The following LSAMP variants were observed in gnomAD, a reference collection of about 807,000 sequenced individuals.
The protein encoded by LSAMP is limbic system associated membrane protein.
In LSAMP, 7 loss-of-function variants were observed where a neutral mutation model predicts 38.6. The ratio of observed to expected loss-of-function variants is 0.18; its 90% CI spans 0.10 to 0.34. The LOEUF is 0.34. Ranked by LOEUF, LSAMP falls within the 10% of genes least tolerant of loss-of-function variation. LSAMP has a pLI of 1.00. For missense variants in LSAMP, 313 were observed against 420.0 expected (o/e 0.75, Z 2.23); for synonymous variants, 154 against 166.8 (o/e 0.92, Z 0.59).
At chr3:116,327,411 T>A (rs79342626) in intron 1 of LSAMP, among the ~76,000 whole-genome samples, 13,154 of 151,894 alleles carry the variant, frequency 0.087, 667 homozygotes, top group Middle Eastern at 0.15. Context: ...TCTTCTTACT[T>A]TTTTTTTAAA....
chr3:116,321,416 T>A (rs2047704251), intron 1 of LSAMP, among the ~76,000 whole-genome samples: 1 of 152,092 alleles, frequency 6.6e-6, no homozygotes, highest in South Asian at 2.1e-4. Flanking sequence ...AGAATAGTCA[T>A]GAGAATAGTT....
chr3:116,410,502 T>TTA (rs1553732778), intron 1 of LSAMP, among the ~76,000 whole-genome samples: 30 of 151,940 alleles, frequency 2.0e-4, no homozygotes, highest in African/African-American at 4.8e-4. Context: ...ATTTTTTTTT[T>TTA]AAACTGGGAA....
intron 3 of LSAMP, among the ~76,000 whole-genome samples, chr3:115,905,698 C>G (rs909923025): frequency 2.6e-5 from 4 of 152,110 alleles, no homozygotes; most frequent in Admixed American, 2.0e-4. Flanking sequence ...CACAGCCTTA[C>G]ATAAAGAAGT....
At chr3:116,203,383 C>A (rs1384934411) in intron 1 of LSAMP, among the ~76,000 whole-genome samples, 1 of 51,766 alleles carries the variant, frequency 1.9e-5, no homozygotes, top group Non-Finnish European at 5.7e-5. Flanking sequence ...TCTCAAATTT[C>A]TTTTTATTTA....
chr3:116,141,954 CA>C, intron 1 of LSAMP, among the ~76,000 whole-genome samples: 1 of 152,074 alleles, frequency 6.6e-6, no homozygotes, highest in East Asian at 1.9e-4. Context: ...ACATTAGCAG[CA>C]GCTGATGAGT....
intron 3 of LSAMP, among the ~76,000 whole-genome samples, chr3:115,899,295 A>G (rs1936809985): frequency 6.6e-6 from 1 of 152,084 alleles, no homozygotes; most frequent in Non-Finnish European, 1.5e-5. Context: ...CCTTATTTGC[A>G]TCAGATTTTC....
chr3:116,191,995 T>A (rs919810921), intron 1 of LSAMP, among the ~76,000 whole-genome samples: 1 of 151,242 alleles, frequency 6.6e-6, no homozygotes, highest in Non-Finnish European at 1.5e-5. Context: ...AACACAAATA[T>A]CTGTCTGAAT....
chr3:116,155,234 T>G (rs1003221537), intron 1 of LSAMP, among the ~76,000 whole-genome samples: 3 of 151,626 alleles, frequency 2.0e-5, no homozygotes, highest in African/African-American at 4.8e-5. Context: ...TTTTGTTTTG[T>G]TTTTTTTGAG....
intron 3 of LSAMP, among the ~76,000 whole-genome samples, chr3:115,886,389 C>A (rs1253490212): frequency 6.6e-6 from 1 of 151,846 alleles, no homozygotes; most frequent in Non-Finnish European, 1.5e-5. Context: ...TGGCCATGAC[C>A]CAGTCCATGG....
At position 115,893,828 on chromosome 3, in the gene LSAMP, G is replaced by A. The variant is rs554054210; in HGVS notation, c.515-41211C>T. On this transcript the variant is annotated intron_variant, in intron 3 of 6. Transcript: ENST00000490035. Reference sequence around the variant, plus strand: ...ACACCCAATTTGTGTTCTTCTTTTCGAGAGGACTTACAAATTATAGAACTT... The same window carrying A: ...ACACCCAATTTGTGTTCTTCTTTTCAAGAGGACTTACAAATTATAGAACTT... Among the ~76,000 whole-genome samples, 516 of 151,770 alleles carry A rather than the reference G, an allele frequency of 3.4e-3. 2 individuals carry two copies. Among genetic ancestry groups the A allele is most frequent in the African/African-American group, 0.012 (491 of 41,426 alleles).
chr3:116,021,872 A>G (rs16824395), intron 2 of LSAMP, among the ~76,000 whole-genome samples: 8,932 of 152,098 alleles, frequency 0.059, 570 homozygotes, highest in East Asian at 0.32. Context: ...ATGTCACACC[A>G]GTTAAGCCAC....
At chr3:116,055,381 C>G (rs1033370558) in intron 2 of LSAMP, among the ~76,000 whole-genome samples, 5 of 152,112 alleles carry the variant, frequency 3.3e-5, no homozygotes, top group Admixed American at 2.6e-4. Context: ...ATTGCCATAA[C>G]AGAAACACAT....
rs144832059 is a variant in LSAMP, at chr3:116,373,302, A to T, written c.155+71575T>A. On this transcript the variant is annotated intron_variant, in intron 1 of 6. Transcript: ENST00000490035. ...CAATATTTCTGACATATGGTACAAC[A>T]TGGATGAAACTTGAAGGCATTATGC... 2.2e-3 allele frequency among the ~76,000 whole-genome samples: 327 copies of T among 151,708 alleles called. 1 individual carries two copies. Among genetic ancestry groups the T allele is most frequent in the Admixed American group, 3.4e-3 (51 of 15,184 alleles).
chr3:115,986,571 GA>G (rs1407759393), intron 3 of LSAMP, among the ~76,000 whole-genome samples: 1 of 151,998 alleles, frequency 6.6e-6, no homozygotes, highest in African/African-American at 2.4e-5. Flanking sequence ...AATGTGAACT[GA>G]AAAAGTTGTG....
intron 1 of LSAMP, among the ~76,000 whole-genome samples, chr3:116,089,018 A>C (rs1362406344): frequency 6.6e-6 from 1 of 152,190 alleles, no homozygotes; most frequent in Non-Finnish European, 1.5e-5. Flanking sequence ...AGATTTCCTT[A>C]ACAATATAAG....
chr3:115,876,256 TAA>T (rs57144373), intron 3 of LSAMP, among the ~76,000 whole-genome samples: 12 of 135,424 alleles, frequency 8.9e-5, no homozygotes, highest in African/African-American at 1.1e-4. Flanking sequence ...TGTTCTGATT[TAA>T]AAAAAAAAAA....
intron 1 of LSAMP, among the ~76,000 whole-genome samples, chr3:116,290,124 T>A (rs904068624): frequency 3.3e-5 from 5 of 152,230 alleles, no homozygotes; most frequent in African/African-American, 1.2e-4. Flanking sequence ...AATTCTAGAA[T>A]GGCACCTTTG....
intron 1 of LSAMP, among the ~76,000 whole-genome samples, chr3:116,178,819 A>G (rs1710415591): frequency 6.6e-6 from 1 of 152,236 alleles, no homozygotes; most frequent in Admixed American, 6.5e-5. Context: ...ATTTGAGACA[A>G]AACTGGAAGT....
At chr3:116,399,623 T>C (rs2048812404) in intron 1 of LSAMP, among the ~76,000 whole-genome samples, 1 of 152,010 alleles carries the variant, frequency 6.6e-6, no homozygotes, top group Non-Finnish European at 1.5e-5. Flanking sequence ...TAAGCAGAGG[T>C]GGGGGCAGTT....
Sources: allele counts gnomAD v4.1 joint callset (sites outside exome capture counted in the v4.1 genomes callset), GRCh38; gene constraint gnomAD v4.1.1; transcripts MANE v1.5; gene names NCBI Gene and HGNC (gene_info 2026-07-23, HGNC 2026-07-21).